The following HERC2 variants were observed in gnomAD, a reference collection of about 807,000 sequenced individuals.
HERC2 encodes the protein E3 ubiquitin-protein ligase HERC2.
A neutral mutation model predicts 537.7 loss-of-function variants in HERC2; 102 were observed. That is an observed-to-expected ratio of 0.19 (90% CI 0.16 to 0.22). The LOEUF is 0.22. HERC2 is among the 10% of genes least tolerant of loss of function. The pLI, the probability that HERC2 is intolerant of heterozygous loss-of-function variation, is 1.00. For synonymous variants in HERC2, 2,224 were observed against 2,466.2 expected (o/e 0.90, Z 2.91); for missense variants, 4,236 against 6,198.2 (o/e 0.68, Z 10.63).
intron 16 of HERC2, among the ~76,000 whole-genome samples, chr15:28,260,089 C>T (rs1183067519): frequency 2.0e-5 from 3 of 151,478 alleles, no homozygotes; most frequent in Non-Finnish European, 4.4e-5. Flanking sequence ...CCTGTAATCC[C>T]AGCACTTTGG....
rs773928368 is a variant in HERC2, at chr15:28,132,240, G to T, written c.12430C>A (p.Arg4144Ser). 6.2e-7 allele frequency: 1 copy of T among 1,612,218 alleles called. No homozygotes were observed. Among genetic ancestry groups the T allele is most frequent in the Non-Finnish European group, 8.5e-7 (1 of 1,178,698 alleles). The stretch of plus-strand genomic sequence containing the variant: ...CTGCCACAGGCGATGTCAACCACAC[G>T]GTGGCCCTGCAGCGCCTCCACCTTC... ...PKLVEALQGH[R>S]VVDIACGSGD... The change falls in exon 81 of 93, where the codon CGT becomes AGT. Residue 4144 changes from arginine (R) to serine (S), a missense_variant. Physicochemically the swap from Arg to Ser is moderately radical, Grantham distance 110 (BLOSUM62 -1). Transcript: ENST00000261609.
chr15:28,115,262 A>ATTTTTT (rs11375781), intron 89 of HERC2, 167 bp downstream of exon 89: 2 of 382,442 alleles, frequency 5.2e-6, no homozygotes, highest in Non-Finnish European at 9.2e-6. Context: ...TAGATGGTCT[A>ATTTTTT]TTTTTTTTTT....
At chr15:28,190,903 G>T in intron 55 of HERC2, 62 bp downstream of exon 55, 2 of 1,121,470 alleles carry the variant, frequency 1.8e-6, no homozygotes, top group Non-Finnish European at 2.7e-6. Flanking sequence ...TATAGAAATG[G>T]CCAAGTCACC....
intron 30 of HERC2, among the ~76,000 whole-genome samples, chr15:28,231,725 A>G (rs1322597942): frequency 2.0e-5 from 3 of 152,158 alleles, no homozygotes; most frequent in Admixed American, 1.3e-4. Context: ...CTGTGACTAT[A>G]ACAGCTCTTC....
chr15:28,192,403 C>T (rs1455030658), intron 52 of HERC2, among the ~76,000 whole-genome samples: 2 of 152,074 alleles, frequency 1.3e-5, no homozygotes, highest in Non-Finnish European at 2.9e-5. Flanking sequence ...TAATATATTT[C>T]CAAAGAAAAC....
At chr15:28,321,087 T>C (rs1349630102) in intron 2 of HERC2, among the ~76,000 whole-genome samples, 1 of 152,116 alleles carries the variant, frequency 6.6e-6, no homozygotes, top group African/African-American at 2.4e-5. Context: ...GTGGCAGATT[T>C]CTTAACCAGT....
At chr15:28,289,392 C>T (rs918742045) in intron 4 of HERC2, among the ~76,000 whole-genome samples, 4 of 103,154 alleles carry the variant, frequency 3.9e-5, no homozygotes, top group Admixed American at 2.5e-4. Flanking sequence ...CCTAAAAGTG[C>T]ATGCACCTTA....
chr15:28,321,355 A>C lies in HERC2; in HGVS notation c.72+7T>G, dbSNP rs2141346572. ...ACACACCAAGAAAAAGACATGTCAA[A>C]CCCCACCTGTATATCTGTTTTCAAC... On this transcript the variant is annotated splice_region_variant and intron_variant, in intron 2 of 92. Coordinates refer to ENST00000261609, the MANE Select transcript of HERC2 (RefSeq NM_004667.6). 1.3e-6 allele frequency: 1 copy of C among 775,562 alleles called. No individual in the cohort carries two copies. 48.0% of individuals were successfully genotyped at this position (775,562 alleles called of 1,614,324 possible).
chr15:28,165,694 C>T (rs908962998), intron 68 of HERC2, among the ~76,000 whole-genome samples: 7 of 151,942 alleles, frequency 4.6e-5, no homozygotes, highest in Non-Finnish European at 1.0e-4. Flanking sequence ...GTAGTTCCAG[C>T]TACTTGGGAG....
At position 28,168,466 on chromosome 15, in the gene HERC2, T is replaced by G. The variant is rs774976160; in HGVS notation, c.10354A>C (p.Met3452Leu). ...CTGTCTTCGATATCAACAGCCAGCA[T>G]GCATTCTTCTCCATTCATGGGACTA... ...MASPMNGEEC[M>L]LAVDIEDRLS... The change falls in exon 67 of 93, where the codon ATG becomes CTG. Residue 3452 changes from methionine to leucine, a missense_variant. Transcript: ENST00000261609. 3 of 1,614,222 alleles carry G rather than the reference T, an allele frequency of 1.9e-6. No individual in the cohort carries two copies. Among genetic ancestry groups the G allele is most frequent in the Non-Finnish European group, 1.7e-6 (2 of 1,180,036 alleles).
chr15:28,186,149 G>A (rs2140228089), intron 56 of HERC2, among the ~76,000 whole-genome samples: 1 of 152,130 alleles, frequency 6.6e-6, no homozygotes, highest in African/African-American at 2.4e-5. Flanking sequence ...ACTTAAAATG[G>A]TAAACAATAT....
intron 23 of HERC2, among the ~76,000 whole-genome samples, chr15:28,245,596 CACACACACAGAT>C (rs1903611524): frequency 7.4e-6 from 1 of 134,470 alleles, no homozygotes; most frequent in African/African-American, 2.9e-5. Flanking sequence ...CACACACACA[CACACACACAGAT>C]ATATATATAC....
At chr15:28,171,796 C>T (rs1374314915) in intron 65 of HERC2, among the ~76,000 whole-genome samples, 3 of 151,998 alleles carry the variant, frequency 2.0e-5, no homozygotes, top group Non-Finnish European at 4.4e-5. Context: ...TACAATAGAC[C>T]GGGTGCGGTG....
chr15:28,189,261 A>G (rs987661105), intron 55 of HERC2, among the ~76,000 whole-genome samples: 2 of 152,216 alleles, frequency 1.3e-5, no homozygotes, highest in Non-Finnish European at 2.9e-5. Flanking sequence ...CATGTACATG[A>G]CATACACTAA....
chr15:28,180,814 T>A lies in HERC2; in HGVS notation c.8937+1587A>T, dbSNP rs947713109. Among the ~76,000 whole-genome samples, 5 of 152,236 alleles carry A rather than the reference T, an allele frequency of 3.3e-5. 1 individual carries two copies. Among genetic ancestry groups the A allele is most frequent in the African/African-American group, 1.2e-4 (5 of 41,450 alleles). On this transcript the variant is annotated intron_variant, in intron 57 of 92. Transcript: ENST00000261609. ...CCTAAACAATGTAATATAACAACTATTGACATACCATTTACATTGTATTAG... is the reference window on the plus strand; with the variant it reads ...CCTAAACAATGTAATATAACAACTAATGACATACCATTTACATTGTATTAG...
intron 12 of HERC2, among the ~76,000 whole-genome samples, chr15:28,266,190 C>T (rs2075563315): frequency 6.6e-6 from 1 of 152,030 alleles, no homozygotes; most frequent in Admixed American, 6.6e-5. Context: ...ACATGGTACC[C>T]AGTAGAAATA....
rs1313009235 is a variant in HERC2, at chr15:28,214,709, C to T, written c.6304G>A (p.Asp2102Asn). 5.0e-6 allele frequency: 8 copies of T among 1,612,000 alleles called. No homozygotes were observed. The Admixed American group carries it at 1.2e-4, about 24-fold the overall frequency. ...DMKCLVEKLF[D>N]FLGSLLTTCS... is the part of the protein sequence containing the mutation. ...GTAGTGAGCAAGCTTCCCAAGAAGT[C>T]AAACAGCTTCTCCACGAGGCATTTC... The change falls in exon 40 of 93, where the codon GAC becomes AAC. Residue 2102 changes from aspartate to asparagine, a missense_variant. Coordinates refer to ENST00000261609, the MANE Select transcript of HERC2 (RefSeq NM_004667.6).
intron 44 of HERC2, among the ~76,000 whole-genome samples, chr15:28,207,939 G>T (rs545370251): frequency 6.6e-6 from 1 of 152,056 alleles, no homozygotes; most frequent in African/African-American, 2.4e-5. Flanking sequence ...CAGGTGCACG[G>T]CAGTTTTGTC....
intron 2 of HERC2, among the ~76,000 whole-genome samples, chr15:28,318,723 AG>A (rs1281068936): frequency 1.3e-5 from 2 of 152,178 alleles, no homozygotes; most frequent in African/African-American, 4.8e-5. Flanking sequence ...TGCTGGATGT[AG>A]GGCCCTAGGC....
Sources: allele counts gnomAD v4.1 joint callset (sites outside exome capture counted in the v4.1 genomes callset), GRCh38; gene constraint gnomAD v4.1.1; transcripts MANE v1.5; gene names NCBI Gene and HGNC (gene_info 2026-07-23, HGNC 2026-07-21).